Variants in TOGARAM2 observed in about 807,000 individuals in gnomAD.
TOGARAM2 encodes TOG array regulator of axonemal microtubules protein 2.
In TOGARAM2, 85 loss-of-function variants were observed where a neutral mutation model predicts 93.3. The observed-to-expected ratio is 0.91, with a 90% CI of 0.76 to 1.09. The LOEUF (loss-of-function observed/expected upper bound fraction) is 1.09, where lower values mean the gene tolerates loss of function less well. TOGARAM2 is among the 50% of genes least tolerant of loss of function. The pLI, the probability that TOGARAM2 is intolerant of heterozygous loss-of-function variation, is 0.00. For missense variants in TOGARAM2, 1,277 were observed against 1,334.5 expected (o/e 0.96, Z 0.67); for synonymous variants, 593 against 552.8 (o/e 1.07, Z -1.02).
chr2:29,046,010 G>A (rs946545314), intron 19 of TOGARAM2: 2 of 157,696 alleles, frequency 1.3e-5, no homozygotes, highest in Non-Finnish European at 2.8e-5. Context: ...GCACCATCAA[G>A]AGAATTAGAA....
intron 4 of TOGARAM2, among the ~76,000 whole-genome samples, chr2:29,001,094 G>C (rs1309964811): frequency 6.6e-6 from 1 of 152,148 alleles, no homozygotes; most frequent in Admixed American, 6.5e-5. Flanking sequence ...CAGTGCTGGG[G>C]CTGCTCTGGC....
At position 29,000,976 on chromosome 2, in the gene TOGARAM2, G is replaced by A. The variant is rs185118650; in HGVS notation, c.427+1508G>A. ...TCTTTTTTACAAAGTTCCAGCATAGGGAAAAAAAGAATGGAGTTGTTCTAC... is the reference window on the plus strand; with the variant it reads ...TCTTTTTTACAAAGTTCCAGCATAGAGAAAAAAAGAATGGAGTTGTTCTAC... On this transcript the variant is annotated intron_variant, in intron 4 of 19. Transcript: ENST00000379558. Among the ~76,000 whole-genome samples the A allele has an allele frequency of 1.1e-4, 17 of 152,214 alleles. No individual in the cohort carries two copies. In the East Asian group the frequency reaches 3.3e-3, roughly 29 times the overall value.
chr2:29,049,693 C>T (rs1343953560), intron 19 of TOGARAM2: 2 of 152,232 alleles, frequency 1.3e-5, no homozygotes, highest in South Asian at 4.1e-4. Flanking sequence ...AACCAGTGTA[C>T]CTCTTTGCTC....
chr2:28,968,225 G>A (rs1459778524), intron 1 of TOGARAM2, among the ~76,000 whole-genome samples: 1 of 152,050 alleles, frequency 6.6e-6, no homozygotes, highest in Non-Finnish European at 1.5e-5. Context: ...TAGAGCGATA[G>A]GTATAAAATC....
At chr2:29,022,035 T>A in intron 10 of TOGARAM2, 123 bp from the exon 11 acceptor site, 1 of 1,296,462 alleles carries the variant, frequency 7.7e-7, no homozygotes, top group Non-Finnish European at 1.1e-6. Flanking sequence ...TTGTACACCC[T>A]CCCTGTTAGG....
chr2:29,009,448 G>A (rs1664084091), intron 6 of TOGARAM2, among the ~76,000 whole-genome samples: 1 of 101,380 alleles, frequency 9.9e-6, no homozygotes, highest in Non-Finnish European at 2.2e-5. Flanking sequence ...TGGAGGTGGG[G>A]CTGCTGCAGG....
At chr2:29,036,033 C>G (rs1328442831) in intron 17 of TOGARAM2, among the ~76,000 whole-genome samples, 1 of 151,920 alleles carries the variant, frequency 6.6e-6, no homozygotes, top group Non-Finnish European at 1.5e-5. Flanking sequence ...GGAGTAGGTA[C>G]AAGCCCTTCA....
At chr2:29,032,692 A>AT in intron 14 of TOGARAM2, 1 of 446,466 alleles carries the variant, frequency 2.2e-6, no homozygotes, top group Non-Finnish European at 4.0e-6. Context: ...TAGAAAGTAA[A>AT]TGCCACAGAA....
chr2:29,030,093 G>A (rs915237470), intron 14 of TOGARAM2, among the ~76,000 whole-genome samples: 1 of 152,210 alleles, frequency 6.6e-6, no homozygotes. Flanking sequence ...GGGCAACACA[G>A]TGAAATCCTG....
intron 6 of TOGARAM2, 119 bp from the exon 7 acceptor site, chr2:29,011,336 C>T: frequency 5.1e-6 from 4 of 780,548 alleles, no homozygotes; most frequent in Non-Finnish European, 8.3e-6. Context: ...GATAACAGTG[C>T]CGTCCCCTCT....
intron 1 of TOGARAM2, among the ~76,000 whole-genome samples, chr2:28,967,232 T>C (rs1446837794): frequency 6.6e-6 from 1 of 152,156 alleles, no homozygotes; most frequent in Non-Finnish European, 1.5e-5. Context: ...CCCTGCACTT[T>C]GGGAGGCCAA....
chr2:28,981,295 C>G (rs540658456), upstream of TOGARAM2: 1 of 152,430 alleles, frequency 6.6e-6, no homozygotes, highest in Admixed American at 6.5e-5. Context: ...GCTATGCAGC[C>G]TTGTTTATTC....
rs371657512 is a variant in TOGARAM2 at position 29,005,927 on chromosome 2, GGAGT to G, written c.830+2247_830+2250del. Among the ~76,000 whole-genome samples, 1,484 of 149,918 alleles carry G rather than the reference GGAGT, an allele frequency of 9.9e-3. 21 individuals carry two copies. The highest frequency in any genetic ancestry group is 0.034 in the African/African-American group (1,386 of 40,720). On this transcript the variant is annotated intron_variant, in intron 6 of 19. Coordinates refer to ENST00000379558, the MANE Select transcript of TOGARAM2 (RefSeq NM_199280.4). ...TGCGTGTGTGTAAGTGCATGTGTGT[GGAGT>G]GTGTGTGTGGGGTATGTGTGCATAT...
chr2:28,971,165 G>A (rs1039832996), intron 1 of TOGARAM2: 1 of 152,194 alleles, frequency 6.6e-6, no homozygotes, highest in East Asian at 1.9e-4. Context: ...TTCCAGAGGG[G>A]GGTTGAAACT....
chr2:29,036,408 A>G (rs966059069), intron 17 of TOGARAM2, 133 bp from the exon 18 acceptor site: 2 of 726,420 alleles, frequency 2.8e-6, no homozygotes, highest in Non-Finnish European at 4.6e-6. Flanking sequence ...GTGCTGTGGC[A>G]TAGGTCAGGG....
intron 1 of TOGARAM2, among the ~76,000 whole-genome samples, chr2:28,983,779 G>A (rs1280618341): frequency 1.3e-5 from 2 of 152,174 alleles, no homozygotes; most frequent in Admixed American, 6.5e-5. Context: ...CCTGCCAGCT[G>A]TCATGAGTGC....
At chr2:29,006,342 GTGTGTATGTGTGAGTGCA>G (rs1443017512) in intron 6 of TOGARAM2, among the ~76,000 whole-genome samples, 3 of 144,370 alleles carry the variant, frequency 2.1e-5, no homozygotes, top group Admixed American at 6.8e-5. Flanking sequence ...GTGTGTGTAT[GTGTGTATGTGTGAGTGCA>G]TGTGTGTGCA....
chr2:28,974,285 G>A (rs762313182), intron 1 of TOGARAM2, among the ~76,000 whole-genome samples: 4 of 151,834 alleles, frequency 2.6e-5, no homozygotes, highest in African/African-American at 4.8e-5. Flanking sequence ...GCACCACCAC[G>A]CCCAGCTAAT....
intron 18 of TOGARAM2, among the ~76,000 whole-genome samples, chr2:29,043,030 G>C (rs974694151): frequency 6.6e-6 from 1 of 152,250 alleles, no homozygotes; most frequent in Non-Finnish European, 1.5e-5. Context: ...ATTGTGGGAG[G>C]TGACGGAGGA....
Sources: allele counts gnomAD v4.1 joint callset (sites outside exome capture counted in the v4.1 genomes callset), GRCh38; gene constraint gnomAD v4.1.1; transcripts MANE v1.5; gene names NCBI Gene and HGNC (gene_info 2026-07-23, HGNC 2026-07-21).